The following MAMDC2 variants were observed in gnomAD, a reference collection of about 807,000 sequenced individuals.
MAMDC2 encodes the protein MAM domain containing 2, also known as MAM domain-containing protein 2.
MAMDC2 carries 57 observed loss-of-function variants against 89.8 expected under a neutral mutation model. The observed-to-expected ratio is 0.63, with a 90% confidence interval of 0.51 to 0.79. The LOEUF is 0.79. Ranked by LOEUF, MAMDC2 falls within the 30% of genes least tolerant of loss-of-function variation. The pLI, the probability that MAMDC2 is intolerant of heterozygous loss-of-function variation, is 0.00. For missense variants in MAMDC2, 800 were observed against 820.6 expected, an observed-to-expected ratio of 0.97 and a Z score of 0.31; for synonymous variants, 313 against 293.4, an observed-to-expected ratio of 1.07 and a Z score of -0.68.
At chr9:70,115,898 C>A (rs1346333034) in intron 5 of MAMDC2, among the ~76,000 whole-genome samples, 1 of 152,196 alleles carries the variant, frequency 6.6e-6, no homozygotes, top group Admixed American at 6.5e-5. Context: ...CTAACAATCT[C>A]TTGGGGTTTC....
chr9:70,182,791 TA>T (rs1301837141), intron 11 of MAMDC2, among the ~76,000 whole-genome samples: 1 of 152,172 alleles, frequency 6.6e-6, no homozygotes, highest in Admixed American at 6.5e-5. Context: ...TTGATCTTTT[TA>T]AAAAACCAGC....
chr9:70,067,073 T>C (rs1827284574), intron 2 of MAMDC2, among the ~76,000 whole-genome samples: 1 of 152,178 alleles, frequency 6.6e-6, no homozygotes, highest in South Asian at 2.1e-4. Context: ...GTAGAAATTG[T>C]GTGGCAATGC....
chr9:70,056,308 A>T (rs1827023880), intron 2 of MAMDC2, among the ~76,000 whole-genome samples: 1 of 152,224 alleles, frequency 6.6e-6, no homozygotes, highest in African/African-American at 2.4e-5. Context: ...GTATGTTTTG[A>T]TCCTATATTA....
chr9:70,059,018 T>C (rs1178210194), intron 2 of MAMDC2, among the ~76,000 whole-genome samples: 1 of 152,210 alleles, frequency 6.6e-6, no homozygotes, highest in Non-Finnish European at 1.5e-5. Context: ...CAAATTCCAG[T>C]AGAACTATGT....
intron 5 of MAMDC2, among the ~76,000 whole-genome samples, chr9:70,118,413 T>G (rs2030117358): frequency 6.6e-6 from 1 of 150,726 alleles, no homozygotes; most frequent in African/African-American, 2.5e-5. Flanking sequence ...AAATGATGAG[T>G]TCAAAAGACT....
At chr9:70,124,694 G>C (rs903074392) in intron 5 of MAMDC2, among the ~76,000 whole-genome samples, 3 of 152,068 alleles carry the variant, frequency 2.0e-5, no homozygotes, top group African/African-American at 7.2e-5. Context: ...ATGGAGAAAA[G>C]GTATTCTTTA....
intron 12 of MAMDC2, among the ~76,000 whole-genome samples, chr9:70,222,278 AAATT>A (rs2033578528): frequency 6.6e-6 from 1 of 152,198 alleles, no homozygotes; most frequent in Non-Finnish European, 1.5e-5. Flanking sequence ...TGCAGGAAGA[AAATT>A]AATAGACTTC....
chr9:70,168,029 A>G (rs1352339748), intron 9 of MAMDC2, among the ~76,000 whole-genome samples: 1 of 152,196 alleles, frequency 6.6e-6, no homozygotes, highest in Admixed American at 6.5e-5. Flanking sequence ...CATCAAGTCT[A>G]TATGTACTTT....
rs2033637508 is a variant in MAMDC2, at chr9:70,226,165, A to G, written c.*133A>G. 3 of 519,096 alleles carry G rather than the reference A, an allele frequency of 5.8e-6. No individual in the cohort carries two copies. Among genetic ancestry groups the G allele is most frequent in the Non-Finnish European group, 1.0e-5 (3 of 298,584 alleles). The allele number at this position is 519,096 out of a possible 1,614,324, so 32.2% of individuals were successfully genotyped here. ...AAATGACTTTAGAGCACCCTCCTTC[A>G]TTACTTTTGCAAAAACATACTGACT... On this transcript the variant is annotated 3_prime_UTR_variant, in exon 14 of 14. Transcript: ENST00000377182.
chr9:70,145,920 G>A (rs2148863), intron 9 of MAMDC2, among the ~76,000 whole-genome samples: 130,255 of 152,074 alleles, frequency 0.86, 56,051 homozygotes, highest in East Asian at 0.98. Context: ...TGTAAAGCCC[G>A]CAGAAGGGCT....
chr9:70,133,420 G>A (rs1219898884), intron 7 of MAMDC2, among the ~76,000 whole-genome samples: 1 of 152,238 alleles, frequency 6.6e-6, no homozygotes, highest in Non-Finnish European at 1.5e-5. Flanking sequence ...CATGTGTTAA[G>A]AGGGCTGTTG....
At chr9:70,219,749 T>G (rs2033523738) in intron 12 of MAMDC2, among the ~76,000 whole-genome samples, 1 of 152,308 alleles carries the variant, frequency 6.6e-6, no homozygotes, top group African/African-American at 2.4e-5. Context: ...GGAATAATTT[T>G]ATAGTGATTT....
intron 2 of MAMDC2, 74 bp from the exon 3 acceptor site, chr9:70,108,137 T>G: frequency 7.3e-7 from 1 of 1,374,776 alleles, no homozygotes; most frequent in Non-Finnish European, 9.9e-7. Flanking sequence ...AGAGATTTAC[T>G]TAACTGCAGT....
chr9:70,113,277 A>C, intron 5 of MAMDC2, 145 bp downstream of exon 5: 1 of 871,394 alleles, frequency 1.1e-6, no homozygotes, highest in South Asian at 1.8e-5. Context: ...AGGAACCAGG[A>C]GGTGTGACAG....
chr9:70,225,244 A>G (rs1383075839), intron 12 of MAMDC2, among the ~76,000 whole-genome samples: 1 of 152,178 alleles, frequency 6.6e-6, no homozygotes, highest in African/African-American at 2.4e-5. Context: ...ACATAAGTGA[A>G]CCATTATCTT....
chr9:70,056,659 G>A (rs1827031046), intron 2 of MAMDC2, among the ~76,000 whole-genome samples: 1 of 152,156 alleles, frequency 6.6e-6, no homozygotes, highest in Non-Finnish European at 1.5e-5. Flanking sequence ...TATAGTACTT[G>A]CTTTAAAGCA....
chr9:70,110,301 A>G (rs1309335882), intron 4 of MAMDC2, among the ~76,000 whole-genome samples: 2 of 152,140 alleles, frequency 1.3e-5, no homozygotes, highest in African/African-American at 4.8e-5. Flanking sequence ...GAAAGGATAA[A>G]CCCTGTCCTA....
chr9:70,119,670 TC>T (rs2030196399), intron 5 of MAMDC2, among the ~76,000 whole-genome samples: 1 of 152,308 alleles, frequency 6.6e-6, no homozygotes, highest in Admixed American at 6.5e-5. Context: ...GTTCAGATCT[TC>T]CCAGAGACTG....
intron 4 of MAMDC2, 90 bp from the exon 5 acceptor site, chr9:70,112,905 T>A (rs867081478): frequency 3.9e-6 from 6 of 1,519,366 alleles, no homozygotes; most frequent in Middle Eastern, 2.0e-4. Context: ...GAGAGAAACT[T>A]CTGAATATCT....
Sources: allele counts gnomAD v4.1 joint callset (sites outside exome capture counted in the v4.1 genomes callset), GRCh38; gene constraint gnomAD v4.1.1; transcripts MANE v1.5; gene names NCBI Gene and HGNC (gene_info 2026-07-23, HGNC 2026-07-21).